Variants in PLXNB2 observed in about 807,000 individuals in gnomAD.
PLXNB2 encodes plexin B2.
PLXNB2 carries 85 observed loss-of-function variants against 202.6 expected under a neutral mutation model. The observed-to-expected ratio is 0.42, with a 90% confidence interval of 0.35 to 0.50. The LOEUF (loss-of-function observed/expected upper bound fraction) is 0.50, where lower values mean the gene tolerates loss of function less well. PLXNB2 is among the 20% of genes least tolerant of loss of function. The probability of loss-of-function intolerance (pLI) is 0.02; values close to 1 mark genes in which losing one functional copy is unlikely to be tolerated. For missense variants in PLXNB2, 2,063 were observed against 2,586.2 expected (o/e 0.80, Z 4.39); for synonymous variants, 1,239 against 1,137.6 (o/e 1.09, Z -1.79).
chr22:50,277,651 C>T lies in PLXNB2; in HGVS notation c.5136G>A (p.Leu1712=). 1.2e-6 allele frequency: 2 copies of T among 1,608,828 alleles called. No homozygotes were observed. The highest frequency in any genetic ancestry group is 1.7e-6 in the Non-Finnish European group (2 of 1,177,210). Residue 1712 remains leucine (L), a synonymous_variant, in exon 33 of 37, where the codon CTG becomes CTA. Coordinates refer to ENST00000359337, the MANE Select transcript of PLXNB2 (RefSeq NM_012401.4). The part of the protein sequence containing the change: ...VHVHEVVDAS[L]SVIAQTFMDA... ...CCATGAAGGTCTGCGCGATGACTGA[C>T]AGCGAGGCGTCCACCACCTCGTGGA...
Position 50,284,500 on chromosome 22 carries a change from C to T in PLXNB2, c.2181+73G>A, listed in dbSNP as rs902128408. ...TCCCTGCTGCCCCTCCCCTCACAGT[C>T]CTGAAGGTGACCCCCCACCCCACCC... On this transcript the variant is annotated intron_variant, in intron 12 of 36. Coordinates refer to ENST00000359337, the MANE Select transcript of PLXNB2 (RefSeq NM_012401.4). This position sits in a 1 kb window ranked among gnomAD's most constrained non-coding sequence, Gnocchi z 8.0. 2 of 1,165,928 alleles carry T rather than the reference C, an allele frequency of 1.7e-6. No individual in the cohort carries two copies. Among genetic ancestry groups the T allele is most frequent in the Admixed American group, 2.0e-5 (1 of 50,160 alleles). The allele number at this position is 1,165,928 out of a possible 1,614,324, so 72.2% of individuals were successfully genotyped here.
chr22:50,307,157 C>G (rs1180956841), intron 1 of PLXNB2, among the ~76,000 whole-genome samples: 2 of 152,156 alleles, frequency 1.3e-5, no homozygotes, highest in Non-Finnish European at 2.9e-5. Flanking sequence ...CCCGGGAGCT[C>G]GGGCAAATCC....
At chr22:50,299,817 G>C (rs376906978) in intron 1 of PLXNB2, among the ~76,000 whole-genome samples, 3 of 152,172 alleles carry the variant, frequency 2.0e-5, no homozygotes, top group East Asian at 3.9e-4. Context: ...GGGTGGGTCT[G>C]CGAGCCCGGT....
chr22:50,306,866 G>A (rs1378597314), intron 1 of PLXNB2, among the ~76,000 whole-genome samples: 1 of 152,234 alleles, frequency 6.6e-6, no homozygotes, highest in Non-Finnish European at 1.5e-5. Flanking sequence ...ACCCCCAGAT[G>A]ACAGGGGGAG....
Position 50,284,426 on chromosome 22 carries a change from G to T in PLXNB2, c.2181+147C>A. On this transcript the variant is annotated intron_variant, in intron 12 of 36. Coordinates refer to ENST00000359337, the MANE Select transcript of PLXNB2 (RefSeq NM_012401.4). This position sits in a 1 kb window ranked among gnomAD's most constrained non-coding sequence, Gnocchi z 8.0. ...GCAGAGGGCAGAGGGGGCTTCCCCA[G>T]CAGCACAGGGCATGGCGAGCCCCTG... is the stretch of plus-strand genomic sequence containing the variant. 1.4e-6 allele frequency: 1 copy of T among 726,738 alleles called. No individual in the cohort carries two copies. Among genetic ancestry groups the T allele is most frequent in the Non-Finnish European group, 2.3e-6 (1 of 430,080 alleles). 45.0% of individuals were successfully genotyped at this position (726,738 alleles called of 1,614,324 possible).
At chr22:50,299,608 G>A (rs2147687946) in intron 1 of PLXNB2, among the ~76,000 whole-genome samples, 1 of 152,138 alleles carries the variant, frequency 6.6e-6, no homozygotes, top group Admixed American at 6.5e-5. Context: ...GGTGCCGCGG[G>A]GCGTGGGGCT....
chr22:50,277,078 A>G (rs2065654916), intron 33 of PLXNB2, among the ~76,000 whole-genome samples, 172 bp from the exon 34 acceptor site: 2 of 152,150 alleles, frequency 1.3e-5, no homozygotes, highest in South Asian at 2.1e-4. Flanking sequence ...AGGCTGAGGC[A>G]GGCAGATCAC....
intron 8 of PLXNB2, 47 bp from the exon 9 acceptor site, chr22:50,286,334 G>T: frequency 7.0e-7 from 1 of 1,428,118 alleles, no homozygotes. Context: ...CCGCAGGGCC[G>T]AGGGCCAGGC....
chr22:50,292,827 G>A (rs752037465), intron 2 of PLXNB2, among the ~76,000 whole-genome samples: 2 of 152,222 alleles, frequency 1.3e-5, no homozygotes, highest in Admixed American at 6.5e-5. Flanking sequence ...AGCCACCCCA[G>A]GGCCCGCATG....
chr22:50,280,590 C>T lies in PLXNB2; in HGVS notation c.4074G>A (p.Leu1358=). The T allele has an allele frequency of 6.2e-7, 1 of 1,612,584 alleles. No individual in the cohort carries two copies. The highest frequency in any genetic ancestry group is 8.5e-7 in the Non-Finnish European group (1 of 1,179,868). Residue 1358 remains leucine (L), a synonymous_variant, in exon 25 of 37, where the codon CTG becomes CTA. Transcript: ENST00000359337. ...CCGTGTAGTACTCCAGTTTCCCGTG[C>T]AGCGCCACCGTCAGCAGGGACGCGA... ...VYFASLLTVA[L]HGKLEYYTDI...
Position 50,290,372 on chromosome 22 carries a change from C to G in PLXNB2, c.213G>C (p.Pro71=), listed in dbSNP as rs755264263. Reference sequence around the variant, plus strand: ...GCGTGCACTTCTTGTTGTCCAGGGCCGGGCCCGTGGCCACCTGCTGCTCCA... The same window carrying G: ...GCGTGCACTTCTTGTTGTCCAGGGCGGGGCCCGTGGCCACCTGCTGCTCCA... The part of the protein sequence containing the change: ...LQLEQQVATG[P]ALDNKKCTPP... Residue 71 remains proline (P), a synonymous_variant, in exon 3 of 37, where the codon CCG becomes CCC. Coordinates refer to ENST00000359337, the MANE Select transcript of PLXNB2 (RefSeq NM_012401.4). 2.4e-5 allele frequency: 39 copies of G among 1,612,846 alleles called. 1 individual carries two copies. The South Asian group carries it at 4.0e-4, about 16-fold the overall frequency.
intron 2 of PLXNB2, among the ~76,000 whole-genome samples, chr22:50,294,102 C>T (rs2067088160): frequency 6.6e-6 from 1 of 152,256 alleles, no homozygotes; most frequent in Admixed American, 6.5e-5. Flanking sequence ...AGGCGCCAGG[C>T]ACAGCCAGCT....
At chr22:50,295,211 C>T (rs2067172029) in intron 1 of PLXNB2, among the ~76,000 whole-genome samples, 1 of 151,108 alleles carries the variant, frequency 6.6e-6, no homozygotes. Flanking sequence ...GTCCCAGCTA[C>T]TCGGGAGGCT....
At chr22:50,296,391 C>T (rs563295380) in intron 1 of PLXNB2, among the ~76,000 whole-genome samples, 44 of 145,200 alleles carry the variant, frequency 3.0e-4, no homozygotes, top group African/African-American at 1.2e-3. Flanking sequence ...GAGACCCTGA[C>T]TCTAAGATTA....
intron 1 of PLXNB2, among the ~76,000 whole-genome samples, chr22:50,307,131 G>A (rs1034706084): frequency 6.6e-6 from 1 of 152,166 alleles, no homozygotes; most frequent in African/African-American, 2.4e-5. Flanking sequence ...AGGCCCCAGG[G>A]GGTGCGGGGA....
At position 50,284,239 on chromosome 22, in the gene PLXNB2, C is replaced by T. The variant is rs2066250839; in HGVS notation, c.2182-26G>A. 2 of 1,605,560 alleles carry T rather than the reference C, an allele frequency of 1.2e-6. No homozygotes were observed. Among genetic ancestry groups the T allele is most frequent in the East Asian group, 2.2e-5 (1 of 44,832 alleles). On this transcript the variant is annotated intron_variant, in intron 12 of 36. Transcript: ENST00000359337. The surrounding 1 kb of genome is among the most constrained non-coding windows in gnomAD (Gnocchi z 8.0). ...CTGGGGGACACGCAGGGGCACACTG[C>T]ACTTCCTGCCCCCACAGAGGGGCGT...
rs763538802 is a variant in PLXNB2 at position 50,289,546 on chromosome 22, C to T, written c.1039G>A (p.Gly347Ser). The T allele has an allele frequency of 1.8e-5, 29 of 1,611,666 alleles. No individual in the cohort carries two copies. The highest frequency in any genetic ancestry group is 3.3e-5 in the South Asian group (3 of 91,060). Residue 347 changes from glycine to serine, a missense_variant, in exon 3 of 37, where the codon GGC becomes AGC. Physicochemically the swap from Gly to Ser is moderately conservative, Grantham distance 56. Coordinates refer to ENST00000359337, the MANE Select transcript of PLXNB2 (RefSeq NM_012401.4). This position sits in a 1 kb window ranked among gnomAD's most constrained non-coding sequence, Gnocchi z 8.0. Reference protein sequence around the residue: ...ARDIFYKPFHGDIQCGGHAPG... With the variant: ...ARDIFYKPFHSDIQCGGHAPG... ...GCGTGGCCGCCGCACTGGATATCGC[C>T]GTGGAAGGGCTTGTAGAAGATGTCA...
chr22:50,275,872 C>T lies in PLXNB2; in HGVS notation c.5412+17G>A, dbSNP rs1394876710. 6 of 1,610,380 alleles carry T rather than the reference C, an allele frequency of 3.7e-6. No individual in the cohort carries two copies. Among genetic ancestry groups the T allele is most frequent in the Non-Finnish European group, 4.2e-6 (5 of 1,179,008 alleles). On this transcript the variant is annotated intron_variant, in intron 36 of 36. Transcript: ENST00000359337. ...CCAGCACCCCACCTGCCCCCGCCCC[C>T]GGGGGCCTGACCCTACCTCGTCATA...
intron 23 of PLXNB2, 35 bp from the exon 24 acceptor site, chr22:50,281,008 C>T (rs762212604): frequency 1.9e-6 from 3 of 1,605,124 alleles, no homozygotes; most frequent in African/African-American, 2.7e-5. Context: ...TCCCTGGCCA[C>T]GTGGGGCCCT....
Sources: gnomAD v4.1 joint callset for allele counts (sites outside exome capture counted in the v4.1 genomes callset) on GRCh38, gnomAD v4.1.1 for gene constraint, Gnocchi (gnomAD v3.1) non-coding constraint, MANE v1.5 for transcripts, NCBI Gene and HGNC (gene_info 2026-07-23, HGNC 2026-07-21) for gene names.